The following SCAF8 variants were observed in gnomAD, a reference collection of about 807,000 sequenced individuals.
SCAF8 encodes SR-related CTD associated factor 8.
SCAF8 carries 23 observed loss-of-function variants against 140.5 expected under a neutral mutation model. The ratio of observed to expected loss-of-function variants is 0.16; its 90% CI spans 0.12 to 0.23. The LOEUF is 0.23. SCAF8 is among the 10% of genes least tolerant of loss of function. The probability of loss-of-function intolerance (pLI) is 1.00; values close to 1 mark genes in which losing one functional copy is unlikely to be tolerated. For missense variants in SCAF8, 1,397 were observed against 1,555.7 expected (o/e 0.90, Z 1.72); for synonymous variants, 575 against 528.9 (o/e 1.09, Z -1.20).
At chr6:154,791,393 T>C (rs147477251) in intron 4 of SCAF8, among the ~76,000 whole-genome samples, 164 of 152,326 alleles carry the variant, frequency 1.1e-3, no homozygotes, top group African/African-American at 3.8e-3. Context: ...TAAATAGATT[T>C]TCATATGAAA....
Position 154,819,628 on chromosome 6 carries a change from G to A in SCAF8, c.1636-549G>A, listed in dbSNP as rs552189123. On this transcript the variant is annotated intron_variant, in intron 14 of 19. Transcript: ENST00000367178. ...AAATGCTATTCTAATCACCCCTCAT[G>A]TAGGTTGACATTTTTATGGTGAAAA... is the stretch of plus-strand genomic sequence containing the variant. 2.4e-4 allele frequency among the ~76,000 whole-genome samples: 37 copies of A among 151,692 alleles called. 1 individual carries two copies. The South Asian group carries it at 7.3e-3, about 30-fold the overall frequency.
At position 154,797,190 on chromosome 6, in the gene SCAF8, T is replaced by C. The variant is rs181142331; in HGVS notation, c.606+2051T>C. 2.4e-4 allele frequency among the ~76,000 whole-genome samples: 35 copies of C among 144,184 alleles called. No homozygotes were observed. The East Asian group carries it at 6.8e-3, about 28-fold the overall frequency. The allele number at this position is 144,184 out of a possible 152,430, so 94.6% of individuals were successfully genotyped here. A position where few individuals can be genotyped will look rare whatever the true frequency, so the allele number is the denominator to read the frequency against. On this transcript the variant is annotated intron_variant, in intron 6 of 19. Transcript: ENST00000367178. ...ATTTTTTTAAAAACTAACTTTGGCA[T>C]GCACATCTGACTTTGTGTTGTGTTT...
At chr6:154,791,789 A>G (rs144315082) in intron 4 of SCAF8, among the ~76,000 whole-genome samples, 1 of 152,176 alleles carries the variant, frequency 6.6e-6, no homozygotes, top group African/African-American at 2.4e-5. Context: ...TGACTATTTG[A>G]GTAATCCAGA....
At chr6:154,815,924 A>G (rs1359940983) in intron 13 of SCAF8, 108 bp downstream of exon 13, 4 of 566,826 alleles carry the variant, frequency 7.1e-6, no homozygotes, top group African/African-American at 5.6e-5. Context: ...CTTAAATAAT[A>G]CACATCTTTA....
chr6:154,753,709 G>A (rs1324130757), intron 1 of SCAF8, among the ~76,000 whole-genome samples: 1 of 152,214 alleles, frequency 6.6e-6, no homozygotes, highest in African/African-American at 2.4e-5. Flanking sequence ...AAAGATGCAT[G>A]TAGAATACGC....
intron 1 of SCAF8, among the ~76,000 whole-genome samples, chr6:154,750,599 T>TTGAA (rs1778814166): frequency 6.6e-6 from 1 of 152,224 alleles, no homozygotes; most frequent in Non-Finnish European, 1.5e-5. Context: ...AAGTAGTAAA[T>TTGAA]TGAATGGCCT....
chr6:154,796,389 C>CTCTCTCTCTCTCTGTCTGTCTG (rs376622207), intron 6 of SCAF8, among the ~76,000 whole-genome samples: 55 of 141,056 alleles, frequency 3.9e-4, no homozygotes, highest in African/African-American at 1.3e-3. Flanking sequence ...CTCTCTCTCT[C>CTCTCTCTCTCTCTGTCTGTCTG]TCTGTCTCTC....
chr6:154,811,850 C>T (rs1389541692), intron 12 of SCAF8, among the ~76,000 whole-genome samples: 2 of 152,134 alleles, frequency 1.3e-5, no homozygotes, highest in East Asian at 3.9e-4. Context: ...CATTCATGTC[C>T]CTGCAAAGGA....
chr6:154,740,742 C>T lies in SCAF8; in HGVS notation c.30+6812C>T, dbSNP rs540829019. Among the ~76,000 whole-genome samples, 103 of 151,892 alleles carry T rather than the reference C, an allele frequency of 6.8e-4. 1 individual carries two copies. Among genetic ancestry groups the T allele is most frequent in the Admixed American group, 5.9e-3 (90 of 15,224 alleles). On this transcript the variant is annotated intron_variant, in intron 1 of 19. Transcript: ENST00000367178. ...CAAGCAATTCTCCCACCTCAGCCTCCTGAGTAGCTGGAACCACAGGCACGC... is the reference window on the plus strand; with the variant it reads ...CAAGCAATTCTCCCACCTCAGCCTCTTGAGTAGCTGGAACCACAGGCACGC...
At chr6:154,764,669 C>A (rs1776511985) in intron 1 of SCAF8, among the ~76,000 whole-genome samples, 1 of 152,090 alleles carries the variant, frequency 6.6e-6, no homozygotes, top group Admixed American at 6.6e-5. Context: ...AGATGGAAAC[C>A]TGTAGAGAAC....
At chr6:154,831,698 G>T (rs1203870903) in intron 19 of SCAF8, among the ~76,000 whole-genome samples, 3 of 68,724 alleles carry the variant, frequency 4.4e-5, no homozygotes, top group South Asian at 6.2e-4. Flanking sequence ...CTCCACTCCT[G>T]TTCTTAAAAA....
intron 3 of SCAF8, among the ~76,000 whole-genome samples, chr6:154,779,779 GTGTATATATA>G (rs72039547): frequency 0.04 from 3,902 of 97,590 alleles, 134 homozygotes; most frequent in African/African-American, 0.17. Flanking sequence ...GTGTGTGTGT[GTGTATATATA>G]TATATATATA....
At chr6:154,753,923 G>C (rs1778902537) in intron 1 of SCAF8, among the ~76,000 whole-genome samples, 1 of 152,118 alleles carries the variant, frequency 6.6e-6, no homozygotes, top group Non-Finnish European at 1.5e-5. Flanking sequence ...CCGTAGCCTT[G>C]AACTCCTGGG....
At chr6:154,824,440 TC>T in intron 17 of SCAF8, 62 bp downstream of exon 17, 1 of 1,472,898 alleles carries the variant, frequency 6.8e-7, no homozygotes, top group Non-Finnish European at 9.4e-7. Context: ...TTGTGTTTCT[TC>T]CAGATTTAAG....
intron 1 of SCAF8, among the ~76,000 whole-genome samples, chr6:154,756,689 G>T (rs531615478): frequency 1.3e-5 from 2 of 152,290 alleles, no homozygotes; most frequent in Middle Eastern, 3.4e-3. Flanking sequence ...TATAACAAAT[G>T]ATGTTGGGGA....
Position 154,733,586 on chromosome 6 carries a change from G to A in SCAF8, c.-315G>A. ...GGGCTAGAGGGAGGGGGACCGAAACGGAGCGGGGCAGAGAAGAGAAGGCGC... is the reference window on the plus strand; with the variant it reads ...GGGCTAGAGGGAGGGGGACCGAAACAGAGCGGGGCAGAGAAGAGAAGGCGC... On this transcript the variant is annotated 5_prime_UTR_variant, in exon 1 of 20. Coordinates refer to ENST00000367178, the MANE Select transcript of SCAF8 (RefSeq NM_014892.5). 13 of 1,280,610 alleles carry A rather than the reference G, an allele frequency of 1.0e-5. No individual in the cohort carries two copies. Among genetic ancestry groups the A allele is most frequent in the Non-Finnish European group, 1.3e-5 (13 of 1,016,344 alleles). The allele number at this position is 1,280,610 out of a possible 1,614,324, so 79.3% of individuals were successfully genotyped here.
chr6:154,753,178 A>G (rs1562427217), intron 1 of SCAF8, among the ~76,000 whole-genome samples: 1 of 152,082 alleles, frequency 6.6e-6, no homozygotes. Flanking sequence ...AAAATACAAA[A>G]ATTAAGGCCC....
Position 154,810,146 on chromosome 6 carries a change from G to C in SCAF8, c.1358G>C (p.Arg453Thr), listed in dbSNP as rs761444534. 15 of 1,613,628 alleles carry C rather than the reference G, an allele frequency of 9.3e-6. No individual in the cohort carries two copies. Among genetic ancestry groups the C allele is most frequent in the Non-Finnish European group, 1.3e-5 (15 of 1,179,830 alleles). ...SRSYSSERRA[R>T]EREKERQKKG... ...TCGTATTCAAGTGAAAGGAGAGCCAGAGAAAGGGAGAAAGAACGACAGAAA... is the reference window on the plus strand; with the variant it reads ...TCGTATTCAAGTGAAAGGAGAGCCACAGAAAGGGAGAAAGAACGACAGAAA... Residue 453 changes from arginine to threonine, a missense_variant, in exon 12 of 20, where the codon AGA becomes ACA. Physicochemically the swap from Arg to Thr is moderately conservative, Grantham distance 71. Transcript: ENST00000367178.
At chr6:154,803,194 C>A (rs777402652) in intron 7 of SCAF8, among the ~76,000 whole-genome samples, 2 of 151,974 alleles carry the variant, frequency 1.3e-5, no homozygotes, top group Non-Finnish European at 2.9e-5. Flanking sequence ...AAGATGAGAA[C>A]CATATTAGGA....
Sources: gnomAD v4.1 joint callset for allele counts (sites outside exome capture counted in the v4.1 genomes callset) on GRCh38, gnomAD v4.1.1 for gene constraint, MANE v1.5 for transcripts, NCBI Gene and HGNC (gene_info 2026-07-23, HGNC 2026-07-21) for gene names.